PSD3: variants seen among roughly 807,000 people sequenced by gnomAD.
The protein encoded by PSD3 is PH and SEC7 domain-containing protein 3.
In PSD3, 49 loss-of-function variants were observed where a neutral mutation model predicts 105.5. The observed-to-expected ratio is 0.46, with a 90% CI of 0.37 to 0.59. The LOEUF is 0.59. Among genes scored for constraint, PSD3 ranks in the 20% least tolerant of loss-of-function variants. The probability of loss-of-function intolerance (pLI) is 0.00; values close to 1 mark genes in which losing one functional copy is unlikely to be tolerated. For missense variants in PSD3, 1,561 were observed against 1,263.8 expected, an observed-to-expected ratio of 1.24 and a Z score of -3.57; for synonymous variants, 557 against 457.8, an observed-to-expected ratio of 1.22 and a Z score of -2.77.
At chr8:18,784,389 T>C (rs1246669185) in intron 8 of PSD3, among the ~76,000 whole-genome samples, 2 of 152,164 alleles carry the variant, frequency 1.3e-5, no homozygotes, top group African/African-American at 4.8e-5. Flanking sequence ...CTGAAGTATG[T>C]GGGGGTTTCT....
At chr8:18,598,739 A>G (rs1170452584) in intron 12 of PSD3, among the ~76,000 whole-genome samples, 4 of 152,156 alleles carry the variant, frequency 2.6e-5, no homozygotes, top group African/African-American at 9.6e-5. Flanking sequence ...TTCCATTTCT[A>G]TATGCTAACA....
chr8:18,692,950 G>C (rs967363810), intron 9 of PSD3, among the ~76,000 whole-genome samples: 1 of 152,130 alleles, frequency 6.6e-6, no homozygotes, highest in African/African-American at 2.4e-5. Context: ...TCACTACCGG[G>C]GGTAGAATGT....
intron 11 of PSD3, among the ~76,000 whole-genome samples, chr8:18,612,151 C>A (rs1448112695): frequency 6.9e-6 from 1 of 144,254 alleles, no homozygotes; most frequent in Non-Finnish European, 1.5e-5. Flanking sequence ...TACAATCCTA[C>A]TAAATTTCTT....
intron 8 of PSD3, among the ~76,000 whole-genome samples, chr8:18,780,070 T>C (rs1176455299): frequency 6.6e-6 from 1 of 152,220 alleles, no homozygotes; most frequent in Non-Finnish European, 1.5e-5. Context: ...CCCTTTAGAT[T>C]CAATAATGTT....
At chr8:19,025,119 G>T (rs544896768) in intron 1 of PSD3, among the ~76,000 whole-genome samples, 1 of 152,130 alleles carries the variant, frequency 6.6e-6, no homozygotes, top group Non-Finnish European at 1.5e-5. Context: ...GGGCCAAGTT[G>T]ACTAAGACCA....
intron 9 of PSD3, among the ~76,000 whole-genome samples, chr8:18,676,671 G>A (rs1800081601): frequency 6.6e-6 from 1 of 152,176 alleles, no homozygotes; most frequent in Non-Finnish European, 1.5e-5. Flanking sequence ...ATTACAACCA[G>A]ATATGCTGAC....
At chr8:18,732,356 T>G (rs1377743889) in intron 9 of PSD3, among the ~76,000 whole-genome samples, 2 of 152,216 alleles carry the variant, frequency 1.3e-5, no homozygotes, top group Non-Finnish European at 2.9e-5. Flanking sequence ...CCTGTCTCAG[T>G]AATCTATTGC....
intron 12 of PSD3, among the ~76,000 whole-genome samples, chr8:18,578,005 A>G (rs148886318): frequency 6.6e-6 from 1 of 152,062 alleles, no homozygotes; most frequent in African/African-American, 2.4e-5. Context: ...TAGGTATAGA[A>G]CTGGATATAG....
intron 1 of PSD3, chr8:18,989,154 G>A (rs879851581): frequency 6.6e-6 from 1 of 152,212 alleles, no homozygotes; most frequent in Non-Finnish European, 1.5e-5. Flanking sequence ...ACAAGGTAGC[G>A]GGGCTGAGTC....
intron 4 of PSD3, among the ~76,000 whole-genome samples, chr8:18,826,702 A>G (rs1013612359): frequency 6.6e-6 from 1 of 152,236 alleles, no homozygotes; most frequent in African/African-American, 2.4e-5. Context: ...CCCTTTGGAA[A>G]GGCTTGAAGG....
intron 1 of PSD3, among the ~76,000 whole-genome samples, chr8:18,993,619 C>A (rs13269196): frequency 6.6e-6 from 1 of 151,428 alleles, no homozygotes; most frequent in Non-Finnish European, 1.5e-5. Context: ...AGAGCTTATC[C>A]CCCCAATTCA....
intron 9 of PSD3, among the ~76,000 whole-genome samples, chr8:18,710,332 C>T (rs1156522038): frequency 6.6e-6 from 1 of 152,024 alleles, no homozygotes; most frequent in Non-Finnish European, 1.5e-5. Context: ...CCTTCGAAAA[C>T]TATGAGATTA....
chr8:19,045,125 C>T (rs964249559), intron 1 of PSD3, among the ~76,000 whole-genome samples: 8 of 152,038 alleles, frequency 5.3e-5, no homozygotes, highest in African/African-American at 1.4e-4. Flanking sequence ...GCAGAGGTTG[C>T]AGTGAACCAA....
intron 1 of PSD3, among the ~76,000 whole-genome samples, chr8:18,961,124 G>A (rs1372099055): frequency 2.0e-5 from 3 of 151,812 alleles, no homozygotes; most frequent in Non-Finnish European, 2.9e-5. Context: ...GACTACTGGT[G>A]AAAGAAAAAG....
intron 1 of PSD3, chr8:18,979,838 AG>A (rs1162051248): frequency 1.3e-5 from 2 of 152,290 alleles, no homozygotes; most frequent in African/African-American, 4.8e-5. Flanking sequence ...AAGAAAAAGT[AG>A]GTTATCAGGT....
intron 1 of PSD3, among the ~76,000 whole-genome samples, chr8:18,971,340 G>T (rs1824639078): frequency 6.6e-6 from 1 of 152,180 alleles, no homozygotes; most frequent in Non-Finnish European, 1.5e-5. Context: ...AGTCACTGCA[G>T]CCACCACGGC....
rs141197759 is a variant in PSD3 at position 18,926,034 on chromosome 8, A to G, written c.130+10000T>C. 2.3e-3 allele frequency among the ~76,000 whole-genome samples: 352 copies of G among 152,264 alleles called. 1 individual carries two copies. Among genetic ancestry groups the G allele is most frequent in the African/African-American group, 8.0e-3 (334 of 41,566 alleles). ...TTCCTGCCACTGTCCAGGAACTAAC[A>G]TAGGTATTCTGGTGATGCTACTGTA... is the stretch of plus-strand genomic sequence containing the variant. On this transcript the variant is annotated intron_variant, in intron 2 of 15. Coordinates refer to ENST00000327040, the MANE Select transcript of PSD3 (RefSeq NM_015310.4).
chr8:18,564,705 G>T (rs548056404), intron 14 of PSD3, among the ~76,000 whole-genome samples: 1 of 152,040 alleles, frequency 6.6e-6, no homozygotes, highest in South Asian at 2.1e-4. Context: ...TGGGTGGGTG[G>T]GGGCGCAGTG....
intron 4 of PSD3, among the ~76,000 whole-genome samples, chr8:18,838,855 A>C (rs1814377555): frequency 6.7e-6 from 1 of 148,438 alleles, no homozygotes; most frequent in Non-Finnish European, 1.5e-5. Flanking sequence ...AATAATGTTC[A>C]AGAAAAAAGT....
Sources: allele counts gnomAD v4.1 joint callset (sites outside exome capture counted in the v4.1 genomes callset), GRCh38; gene constraint gnomAD v4.1.1; transcripts MANE v1.5; gene names NCBI Gene and HGNC (gene_info 2026-07-23, HGNC 2026-07-21).